The following EXOC6B variants were observed in gnomAD, a reference collection of about 807,000 sequenced individuals.
The protein encoded by EXOC6B is exocyst complex component 6B.
In EXOC6B, 54 loss-of-function variants were observed where a neutral mutation model predicts 113.5. The observed-to-expected ratio is 0.48, with a 90% CI of 0.38 to 0.60. The LOEUF (loss-of-function observed/expected upper bound fraction) is 0.60. EXOC6B is among the 20% of genes least tolerant of loss of function. EXOC6B has a pLI of 0.00. For synonymous variants in EXOC6B, 357 were observed against 339.0 expected, an observed-to-expected ratio of 1.05 and a Z score of -0.58; for missense variants, 797 against 977.5, an observed-to-expected ratio of 0.82 and a Z score of 2.46.
At position 72,468,002 on chromosome 2, in the gene EXOC6B, C is replaced by T. The variant is rs987113101; in HGVS notation, c.1801-2663G>A. The stretch of plus-strand genomic sequence containing the variant: ...GCCAGGCTGGTCTCGAACTCTTGAC[C>T]TCAAGTGATTCGCCTGCCTCAGCCT... On this transcript the variant is annotated intron_variant, in intron 17 of 21. Transcript: ENST00000272427. Among the ~76,000 whole-genome samples the T allele has an allele frequency of 3.3e-5, 5 of 152,204 alleles. 1 individual carries two copies. The highest frequency in any genetic ancestry group is 3.4e-3 in the Middle Eastern group (1 of 294).
At chr2:72,429,421 T>C (rs1267286862) in intron 18 of EXOC6B, among the ~76,000 whole-genome samples, 1 of 152,216 alleles carries the variant, frequency 6.6e-6, no homozygotes, top group Non-Finnish European at 1.5e-5. Flanking sequence ...AATGTGAGCA[T>C]AAAGTGGTTC....
intron 18 of EXOC6B, among the ~76,000 whole-genome samples, chr2:72,445,152 A>G (rs977864200): frequency 6.6e-6 from 1 of 152,172 alleles, no homozygotes; most frequent in East Asian, 1.9e-4. Flanking sequence ...AGTTCCACAA[A>G]TCTCTAGGGC....
chr2:72,342,956 A>G (rs1249391729), intron 19 of EXOC6B, among the ~76,000 whole-genome samples: 5 of 152,198 alleles, frequency 3.3e-5, no homozygotes, highest in Non-Finnish European at 1.5e-5. Flanking sequence ...TCATATTCAC[A>G]TTAGCCATGA....
chr2:72,271,233 T>C (rs1260487279), intron 20 of EXOC6B, among the ~76,000 whole-genome samples: 5 of 152,192 alleles, frequency 3.3e-5, no homozygotes, highest in Admixed American at 1.3e-4. Flanking sequence ...TCTTTTTGTA[T>C]GCTGGTCTGC....
chr2:72,605,344 A>G (rs1333935308), intron 6 of EXOC6B, among the ~76,000 whole-genome samples: 2 of 152,010 alleles, frequency 1.3e-5, no homozygotes, highest in African/African-American at 4.8e-5. Flanking sequence ...GTGGAATACT[A>G]AAGTCCCAGG....
intron 6 of EXOC6B, among the ~76,000 whole-genome samples, chr2:72,710,049 G>A (rs917857197): frequency 6.6e-6 from 1 of 151,952 alleles, no homozygotes; most frequent in Non-Finnish European, 1.5e-5. Flanking sequence ...TGAACAATTG[G>A]TACCACCACC....
chr2:72,183,047 T>G, intron 21 of EXOC6B: 1 of 431,436 alleles, frequency 2.3e-6, no homozygotes, highest in East Asian at 3.6e-5. Context: ...CATCATGCTC[T>G]TGCCTACCCT....
intron 16 of EXOC6B, among the ~76,000 whole-genome samples, chr2:72,485,212 T>C (rs1246909256): frequency 6.6e-6 from 1 of 152,214 alleles, no homozygotes. Context: ...ATCTTCATCA[T>C]CTTCCATAGT....
chr2:72,596,077 G>A (rs935761194), intron 6 of EXOC6B, among the ~76,000 whole-genome samples: 2 of 152,152 alleles, frequency 1.3e-5, no homozygotes, highest in Non-Finnish European at 2.9e-5. Context: ...GGTCTGGTGA[G>A]ACAGCCCAGG....
chr2:72,309,912 G>C (rs1356981391), intron 20 of EXOC6B, among the ~76,000 whole-genome samples: 1 of 152,084 alleles, frequency 6.6e-6, no homozygotes, highest in Non-Finnish European at 1.5e-5. Flanking sequence ...GACTTTTTGT[G>C]TTTGACTTCT....
At chr2:72,533,956 ATC>A (rs930331903) in intron 8 of EXOC6B, among the ~76,000 whole-genome samples, 3 of 152,170 alleles carry the variant, frequency 2.0e-5, no homozygotes, top group African/African-American at 7.2e-5. Flanking sequence ...GCCAGTCACT[ATC>A]TCTGTGATCC....
chr2:72,752,969 C>T (rs1480891037), intron 1 of EXOC6B, among the ~76,000 whole-genome samples: 1 of 152,068 alleles, frequency 6.6e-6, no homozygotes, highest in Non-Finnish European at 1.5e-5. Context: ...TCTCACTCTT[C>T]ACATATATAT....
chr2:72,749,236 G>A (rs563044157), intron 1 of EXOC6B, among the ~76,000 whole-genome samples: 4 of 152,218 alleles, frequency 2.6e-5, no homozygotes, highest in Admixed American at 2.0e-4. Context: ...GCTGAAAGCA[G>A]AGTACTAATA....
At chr2:72,295,942 C>T (rs1431511033) in intron 20 of EXOC6B, among the ~76,000 whole-genome samples, 1 of 151,878 alleles carries the variant, frequency 6.6e-6, no homozygotes, top group Non-Finnish European at 1.5e-5. Flanking sequence ...TTGTAAGGAG[C>T]GTTTCCAGTA....
At chr2:72,785,844 T>C (rs1684344888) in intron 1 of EXOC6B, among the ~76,000 whole-genome samples, 1 of 152,244 alleles carries the variant, frequency 6.6e-6, no homozygotes, top group Non-Finnish European at 1.5e-5. Context: ...CTGGCTTAAA[T>C]TGCTCCCCAG....
chr2:72,683,713 G>A (rs749978742), intron 6 of EXOC6B, among the ~76,000 whole-genome samples: 2 of 152,140 alleles, frequency 1.3e-5, no homozygotes, highest in Non-Finnish European at 2.9e-5. Context: ...GTTTTCAAAT[G>A]TGGGGGAAGT....
chr2:72,772,284 A>G (rs1253981208), intron 1 of EXOC6B, among the ~76,000 whole-genome samples: 1 of 151,932 alleles, frequency 6.6e-6, no homozygotes, highest in East Asian at 1.9e-4. Context: ...ATCCAACACA[A>G]GGACAGCCAG....
chr2:72,698,833 G>A (rs1678080361), intron 6 of EXOC6B, among the ~76,000 whole-genome samples: 1 of 151,954 alleles, frequency 6.6e-6, no homozygotes, highest in South Asian at 2.1e-4. Flanking sequence ...TTTCACTAAT[G>A]GTATAAAATT....
At chr2:72,398,226 G>A (rs1303355866) in intron 18 of EXOC6B, among the ~76,000 whole-genome samples, 1 of 152,154 alleles carries the variant, frequency 6.6e-6, no homozygotes, top group Non-Finnish European at 1.5e-5. Flanking sequence ...GCCTTGAGTT[G>A]AAACATCAGT....
Sources: gnomAD v4.1 joint callset for allele counts (sites outside exome capture counted in the v4.1 genomes callset) on GRCh38, gnomAD v4.1.1 for gene constraint, MANE v1.5 for transcripts, NCBI Gene and HGNC (gene_info 2026-07-23, HGNC 2026-07-21) for gene names.